TRPC6: variants seen among roughly 807,000 people sequenced by gnomAD.
The protein encoded by TRPC6 is short transient receptor potential channel 6.
In TRPC6, 55 loss-of-function variants were observed where a neutral mutation model predicts 90.7. The observed-to-expected ratio is 0.61, with a 90% CI of 0.49 to 0.76. The LOEUF is 0.76. TRPC6 is among the 30% of genes least tolerant of loss of function. The probability of loss-of-function intolerance (pLI) is 0.00; values close to 1 mark genes in which losing one functional copy is unlikely to be tolerated. For missense variants in TRPC6, 989 were observed against 1,122.7 expected, an observed-to-expected ratio of 0.88 and a Z score of 1.70; for synonymous variants, 393 against 393.0, an observed-to-expected ratio of 1.00 and a Z score of 0.00.
At chr11:101,493,359 C>A (rs542894760) in intron 2 of TRPC6, among the ~76,000 whole-genome samples, 5 of 152,192 alleles carry the variant, frequency 3.3e-5, no homozygotes, top group African/African-American at 7.2e-5. Flanking sequence ...ACCCACATGT[C>A]CTTGGGGTGT....
At chr11:101,480,443 G>A (rs1397007171) in intron 5 of TRPC6, among the ~76,000 whole-genome samples, 1 of 151,972 alleles carries the variant, frequency 6.6e-6, no homozygotes, top group Non-Finnish European at 1.5e-5. Context: ...CAAGTGGGTT[G>A]GGGTTTACCT....
chr11:101,492,531 G>A (rs9326313), intron 2 of TRPC6, among the ~76,000 whole-genome samples: 59,605 of 151,904 alleles, frequency 0.39, 12,545 homozygotes, highest in African/African-American at 0.56. Flanking sequence ...GCAGTGATCC[G>A]TGATCATGCC....
chr11:101,480,624 C>G (rs1444900833), intron 5 of TRPC6, among the ~76,000 whole-genome samples: 1 of 151,280 alleles, frequency 6.6e-6, no homozygotes, highest in Admixed American at 6.6e-5. Context: ...TGTCCTAAAA[C>G]AGTCATGTTT....
chr11:101,479,044 A>T (rs2136683611), intron 5 of TRPC6, among the ~76,000 whole-genome samples: 1 of 152,278 alleles, frequency 6.6e-6, no homozygotes, highest in Admixed American at 6.5e-5. Context: ...TGAATAAACA[A>T]GCCTCAGATT....
At chr11:101,508,369 T>C (rs890041267) in intron 1 of TRPC6, among the ~76,000 whole-genome samples, 1 of 152,146 alleles carries the variant, frequency 6.6e-6, no homozygotes, top group Admixed American at 6.5e-5. Flanking sequence ...CTAATGTTGG[T>C]TTTGGCAAAA....
intron 1 of TRPC6, among the ~76,000 whole-genome samples, chr11:101,573,723 T>C (rs2136892424): frequency 6.6e-6 from 1 of 152,322 alleles, no homozygotes; most frequent in Non-Finnish European, 1.5e-5. Flanking sequence ...CTTTTCTACA[T>C]ACAACATGTC....
rs1167752936 is a variant in TRPC6, at chr11:101,559,068, G to A, written c.170+24266C>T. Among the ~76,000 whole-genome samples the A allele has an allele frequency of 2.6e-5, 4 of 152,076 alleles. No homozygotes were observed. The East Asian group carries it at 5.8e-4, about 22-fold the overall frequency. On this transcript the variant is annotated intron_variant, in intron 1 of 12. Transcript: ENST00000344327. ...TCTGCACAGCAAAAGAAACAACAGAGTACAGAGACAATCTATGAATTGGGA... is the reference window on the plus strand; with the variant it reads ...TCTGCACAGCAAAAGAAACAACAGAATACAGAGACAATCTATGAATTGGGA...
At chr11:101,482,800 G>T in intron 5 of TRPC6, 149 bp downstream of exon 5, 2 of 843,286 alleles carry the variant, frequency 2.4e-6, no homozygotes, top group Admixed American at 2.0e-5. Flanking sequence ...CAAGGCAACT[G>T]TACTTTAGGA....
At position 101,583,392 on chromosome 11, in the gene TRPC6, G is replaced by C; in HGVS notation, c.112C>G (p.Leu38Val). The C allele has an allele frequency of 6.3e-7, 1 of 1,590,934 alleles. No homozygotes were observed. The highest frequency in any genetic ancestry group is 8.6e-7 in the Non-Finnish European group (1 of 1,168,760). The change falls in exon 1 of 13, where the codon CTG becomes GTG. Residue 38 changes from leucine (L) to valine (V), a missense_variant. Around this residue, in one of 4 missense-constraint regions of TRPC6, gnomAD observed 194 missense variants for 136.5 expected, o/e 1.42. Coordinates refer to ENST00000344327, the MANE Select transcript of TRPC6 (RefSeq NM_004621.6). ...GCTTGCGGGCAGCCGTCTTCTCCCA[G>C]CTCCGAGTCCATGAGCAGATAGTCC... is the stretch of plus-strand genomic sequence containing the variant. ...SQDYLLMDSE[L>V]GEDGCPQAPL...
chr11:101,536,069 T>C (rs867621211), intron 1 of TRPC6, among the ~76,000 whole-genome samples: 1 of 152,136 alleles, frequency 6.6e-6, no homozygotes, highest in Admixed American at 6.5e-5. Flanking sequence ...AACTTCCATG[T>C]TGATGAGAAA....
In TRPC6 at chr11:101,563,381, T is replaced by G. The variant is rs538123807; in HGVS notation, c.170+19953A>C. On this transcript the variant is annotated intron_variant, in intron 1 of 12. Transcript: ENST00000344327. ...GCATGAAGTGCTGAGGATGCTTGCA[T>G]GTGTACGTGTCTGTCTTTTCCCATG... Among the ~76,000 whole-genome samples the G allele has an allele frequency of 1.3e-4, 20 of 152,300 alleles. No individual in the cohort carries two copies. The South Asian group carries it at 4.1e-3, about 32-fold the overall frequency.
intron 1 of TRPC6, among the ~76,000 whole-genome samples, chr11:101,515,302 C>T (rs1180119191): frequency 2.0e-5 from 3 of 152,062 alleles, no homozygotes; most frequent in South Asian, 4.1e-4. Context: ...TTTTTTTGTT[C>T]GTTTGTTTTT....
intron 1 of TRPC6, among the ~76,000 whole-genome samples, chr11:101,522,121 T>A (rs935438848): frequency 1.3e-5 from 2 of 152,124 alleles, no homozygotes; most frequent in Non-Finnish European, 2.9e-5. Context: ...TGGGAGGGGC[T>A]AGGGGCAGAA....
chr11:101,490,973 G>T (rs910990491), intron 3 of TRPC6, among the ~76,000 whole-genome samples: 2 of 152,166 alleles, frequency 1.3e-5, no homozygotes, highest in Non-Finnish European at 2.9e-5. Context: ...AAATGTTTTA[G>T]AATTTGGATT....
chr11:101,532,041 A>G (rs987638203), intron 1 of TRPC6, among the ~76,000 whole-genome samples: 1 of 152,304 alleles, frequency 6.6e-6, no homozygotes, highest in Admixed American at 6.5e-5. Context: ...AAATGAGATC[A>G]CTCATGGTGC....
intron 3 of TRPC6, among the ~76,000 whole-genome samples, chr11:101,490,204 T>C (rs754722379): frequency 6.6e-6 from 1 of 152,138 alleles, no homozygotes; most frequent in African/African-American, 2.4e-5. Context: ...CATCCCTAAA[T>C]AGTAAACAGA....
chr11:101,583,491 G>T lies in TRPC6; in HGVS notation c.13C>A (p.Pro5Thr), dbSNP rs2136910135. Residue 5 changes from proline (P) to threonine (T), a missense_variant, in exon 1 of 13, where the codon CCG (proline) becomes ACG (threonine). By Grantham distance (38) the Pro-to-Thr change is conservative. This residue lies in a region of TRPC6 where 194 missense variants were observed against 136.5 expected (regional missense o/e 1.42). Transcript: ENST00000344327. ...CTGCCCCTCCGGGGCCCGAACGCCG[G>T]GCTCTGGCTCATGGCGGGAACGCCC... Reference protein sequence around the residue: MSQSPAFGPRRGSSP... With the variant: MSQSTAFGPRRGSSP... 1.3e-6 allele frequency: 2 copies of T among 1,496,506 alleles called. No individual in the cohort carries two copies. The highest frequency in any genetic ancestry group is 4.3e-5 in the Admixed American group (2 of 46,360). The allele number at this position is 1,496,506 out of a possible 1,614,324, so 92.7% of individuals were successfully genotyped here.
rs186303924 is a variant in TRPC6, at chr11:101,535,468, C to T, written c.171-30670G>A. 4.6e-5 allele frequency among the ~76,000 whole-genome samples: 7 copies of T among 151,500 alleles called. No individual in the cohort carries two copies. In the East Asian group the frequency reaches 7.7e-4, roughly 17 times the overall value. On this transcript the variant is annotated intron_variant, in intron 1 of 12. Coordinates refer to ENST00000344327, the MANE Select transcript of TRPC6 (RefSeq NM_004621.6). Reference sequence around the variant, plus strand: ...GATATTTGTCTATTTCTCTTTCAAACTTTCTGAGTCTTTTTAATGACACAG... The same window carrying T: ...GATATTTGTCTATTTCTCTTTCAAATTTTCTGAGTCTTTTTAATGACACAG...
intron 1 of TRPC6, among the ~76,000 whole-genome samples, chr11:101,541,630 G>C (rs1162829021): frequency 6.6e-6 from 1 of 152,166 alleles, no homozygotes; most frequent in Non-Finnish European, 1.5e-5. Context: ...GATATGGTAA[G>C]GGAATTCTCC....
Sources: gnomAD v4.1 joint callset for allele counts (sites outside exome capture counted in the v4.1 genomes callset) on GRCh38, gnomAD v4.1.1 for gene constraint, gnomAD v4.1.1 regional missense constraint, MANE v1.5 for transcripts, NCBI Gene and HGNC (gene_info 2026-07-23, HGNC 2026-07-21) for gene names.